IL23R: variants seen among roughly 807,000 people sequenced by gnomAD.
The protein encoded by IL23R is interleukin-23 receptor.
A neutral mutation model predicts 56.9 loss-of-function variants in IL23R; 34 were observed. The ratio of observed to expected loss-of-function variants is 0.60; its 90% CI spans 0.45 to 0.80. The LOEUF is 0.80. IL23R is among the 30% of genes least tolerant of loss of function. The pLI is 0.00. For missense variants in IL23R, 635 were observed against 730.0 expected (o/e 0.87, Z 1.50); for synonymous variants, 230 against 249.2 (o/e 0.92, Z 0.73).
intron 1 of IL23R, among the ~76,000 whole-genome samples, chr1:67,157,037 G>A (rs554018475): frequency 6.6e-6 from 1 of 152,274 alleles, no homozygotes; most frequent in South Asian, 2.1e-4. Flanking sequence ...CGCTTCACTT[G>A]GCTGGAGGAG....
intron 9 of IL23R, among the ~76,000 whole-genome samples, chr1:67,245,491 CT>C (rs1378364550): frequency 2.0e-5 from 3 of 152,048 alleles, no homozygotes; most frequent in Non-Finnish European, 4.4e-5. Context: ...CCATCAATAC[CT>C]AGTTCATTGA....
intron 6 of IL23R, among the ~76,000 whole-genome samples, chr1:67,214,121 T>G (rs1308515940): frequency 6.6e-6 from 1 of 152,198 alleles, no homozygotes; most frequent in East Asian, 1.9e-4. Context: ...TAATGCACTA[T>G]GATCCCACCA....
downstream of IL23R, among the ~76,000 whole-genome samples, chr1:67,261,239 C>T (rs1653192707): frequency 6.6e-6 from 1 of 151,604 alleles, no homozygotes; most frequent in Non-Finnish European, 1.5e-5. Flanking sequence ...CAGAAGCATC[C>T]CTTATTTGGA....
At chr1:67,250,828 C>G (rs1376748287) in intron 9 of IL23R, among the ~76,000 whole-genome samples, 1 of 152,188 alleles carries the variant, frequency 6.6e-6, no homozygotes, top group African/African-American at 2.4e-5. Flanking sequence ...CATTGGATTA[C>G]TGACCTTGGG....
intron 7 of IL23R, among the ~76,000 whole-genome samples, chr1:67,231,200 A>T (rs1651081156): frequency 1.3e-5 from 2 of 152,210 alleles, no homozygotes; most frequent in Admixed American, 1.3e-4. Flanking sequence ...CAAGCGCAAA[A>T]GTAAATAAAG....
intron 7 of IL23R, among the ~76,000 whole-genome samples, chr1:67,230,121 C>T (rs911718514): frequency 6.6e-6 from 1 of 152,238 alleles, no homozygotes; most frequent in East Asian, 1.9e-4. Context: ...GCCACTGTCA[C>T]TGTACCCTGG....
downstream of IL23R, among the ~76,000 whole-genome samples, chr1:67,263,159 T>C (rs1425022832): frequency 2.6e-5 from 3 of 117,002 alleles, no homozygotes; most frequent in African/African-American, 6.5e-5. Flanking sequence ...TGGTGCACAA[T>C]CACAGCTCAC....
At chr1:67,157,750 T>G (rs1472969990) in intron 1 of IL23R, among the ~76,000 whole-genome samples, 1 of 152,256 alleles carries the variant, frequency 6.6e-6, no homozygotes, top group Non-Finnish European at 1.5e-5. Flanking sequence ...CTGTCTACCT[T>G]TCCCACTTAA....
chr1:67,258,461 A>G lies in IL23R; in HGVS notation c.1240-17A>G, dbSNP rs1570935884. Reference sequence around the variant, plus strand: ...TAAATGTCTTTTGCAAAATAAAATGATGTCTTTTTTTCCTAGGAAAATAGT... The same window carrying G: ...TAAATGTCTTTTGCAAAATAAAATGGTGTCTTTTTTTCCTAGGAAAATAGT... On this transcript the variant is annotated splice_polypyrimidine_tract_variant and intron_variant, in intron 10 of 10. Transcript: ENST00000347310. 1 of 1,582,870 alleles carries G rather than the reference A, an allele frequency of 6.3e-7. No homozygotes were observed. Among genetic ancestry groups the G allele is most frequent in the South Asian group, 1.1e-5 (1 of 87,712 alleles).
intron 1 of IL23R, among the ~76,000 whole-genome samples, chr1:67,159,450 T>A (rs1646798678): frequency 6.6e-6 from 1 of 152,080 alleles, no homozygotes; most frequent in Non-Finnish European, 1.5e-5. Flanking sequence ...GAACTGTGAG[T>A]CAATTAAACC....
At chr1:67,184,815 C>T (rs917744543) in intron 4 of IL23R, among the ~76,000 whole-genome samples, 1 of 152,092 alleles carries the variant, frequency 6.6e-6, no homozygotes, top group Non-Finnish European at 1.5e-5. Context: ...TGCTTATATC[C>T]TCCTAAAATT....
rs149546904 is a variant in IL23R at position 67,191,243 on chromosome 1, ACT to A, written c.491+8289_491+8290del. ...TCCTCTCTAGTATCTTCCCTTCCTC[ACT>A]CTCTATTGAAGACCTGCTTCCTACT... On this transcript the variant is annotated intron_variant, in intron 4 of 10. Coordinates refer to ENST00000347310, the MANE Select transcript of IL23R (RefSeq NM_144701.3). Among the ~76,000 whole-genome samples, 362 of 152,000 alleles carry A rather than the reference ACT, an allele frequency of 2.4e-3. 1 individual carries two copies. Among genetic ancestry groups the A allele is most frequent in the African/African-American group, 8.3e-3 (344 of 41,428 alleles).
At chr1:67,213,657 G>T (rs750100727) in intron 6 of IL23R, among the ~76,000 whole-genome samples, 1 of 152,164 alleles carries the variant, frequency 6.6e-6, no homozygotes, top group African/African-American at 2.4e-5. Flanking sequence ...TTATAGGTTT[G>T]TAGCCTAGAA....
At chr1:67,176,455 T>C (rs1401587329) in intron 3 of IL23R, among the ~76,000 whole-genome samples, 2 of 151,904 alleles carry the variant, frequency 1.3e-5, no homozygotes, top group East Asian at 1.9e-4. Context: ...CTTTTTTTTT[T>C]ATTCTTCCAT....
At chr1:67,250,156 A>C (rs1652515653) in intron 9 of IL23R, among the ~76,000 whole-genome samples, 1 of 152,180 alleles carries the variant, frequency 6.6e-6, no homozygotes, top group African/African-American at 2.4e-5. Context: ...GTTTCCTGAC[A>C]CACCTTGCAT....
At chr1:67,257,400 C>T (rs1275340823) in intron 10 of IL23R, among the ~76,000 whole-genome samples, 1 of 152,146 alleles carries the variant, frequency 6.6e-6, no homozygotes, top group Non-Finnish European at 1.5e-5. Flanking sequence ...CTCTTCTTCA[C>T]TAATCCCATT....
chr1:67,262,594 T>C (rs968853499), downstream of IL23R, among the ~76,000 whole-genome samples: 3 of 152,204 alleles, frequency 2.0e-5, no homozygotes, highest in Non-Finnish European at 4.4e-5. Context: ...TTGCCACTGA[T>C]TATCTTCCAC....
intron 4 of IL23R, among the ~76,000 whole-genome samples, chr1:67,185,556 G>C (rs1000396702): frequency 6.6e-6 from 1 of 152,102 alleles, no homozygotes; most frequent in Admixed American, 6.6e-5. Context: ...AATTCTCCCA[G>C]CCACCAAGCC....
intron 1 of IL23R, among the ~76,000 whole-genome samples, chr1:67,156,520 A>T (rs1289619703): frequency 1.3e-5 from 2 of 152,148 alleles, no homozygotes; most frequent in Non-Finnish European, 2.9e-5. Flanking sequence ...CCCAGTGAGG[A>T]GGAATCTAGA....
Sources: allele counts gnomAD v4.1 joint callset (sites outside exome capture counted in the v4.1 genomes callset), GRCh38; gene constraint gnomAD v4.1.1; transcripts MANE v1.5; gene names NCBI Gene and HGNC (gene_info 2026-07-23, HGNC 2026-07-21).